CCNYL1: variants seen among roughly 807,000 people sequenced by gnomAD.
CCNYL1 encodes cyclin Y like 1.
CCNYL1 carries 16 observed loss-of-function variants against 44.2 expected under a neutral mutation model. That is an observed-to-expected ratio of 0.36 (90% CI 0.25 to 0.55). The LOEUF (loss-of-function observed/expected upper bound fraction) is 0.55, where lower values mean the gene tolerates loss of function less well. Ranked by LOEUF, CCNYL1 falls within the 20% of genes least tolerant of loss-of-function variation. The pLI, the probability that CCNYL1 is intolerant of heterozygous loss-of-function variation, is 0.85. For synonymous variants in CCNYL1, 159 were observed against 163.2 expected (o/e 0.97, Z 0.20); for missense variants, 348 against 451.8 (o/e 0.77, Z 2.08).
chr2:207,732,771 T>C (rs1359710441), intron 3 of CCNYL1, among the ~76,000 whole-genome samples: 1 of 152,228 alleles, frequency 6.6e-6, no homozygotes, highest in Non-Finnish European at 1.5e-5. Flanking sequence ...CTAAAGTGTT[T>C]TAAAGATGGT....
chr2:207,735,046 G>A (rs1374978769), intron 4 of CCNYL1, among the ~76,000 whole-genome samples: 2 of 152,130 alleles, frequency 1.3e-5, no homozygotes, highest in African/African-American at 4.8e-5. Context: ...GAATTCAAAA[G>A]ATTCTGATGT....
At chr2:207,720,629 G>A (rs899713981) in intron 1 of CCNYL1, among the ~76,000 whole-genome samples, 1 of 152,042 alleles carries the variant, frequency 6.6e-6, no homozygotes, top group Non-Finnish European at 1.5e-5. Flanking sequence ...TGTTGCCCAG[G>A]CTGGTCTTGA....
At chr2:207,715,906 C>T (rs1474970694) in intron 1 of CCNYL1, among the ~76,000 whole-genome samples, 1 of 151,602 alleles carries the variant, frequency 6.6e-6, no homozygotes, top group Non-Finnish European at 1.5e-5. Flanking sequence ...GAACTCCTGA[C>T]CTCAGGTGAT....
chr2:207,744,175 G>A (rs993748406), intron 7 of CCNYL1, among the ~76,000 whole-genome samples: 2 of 152,092 alleles, frequency 1.3e-5, no homozygotes, highest in African/African-American at 4.8e-5. Flanking sequence ...AGAAGGTAAA[G>A]AGTGCTGGCA....
chr2:207,748,025 T>C (rs754940263), intron 8 of CCNYL1, among the ~76,000 whole-genome samples: 4 of 152,200 alleles, frequency 2.6e-5, no homozygotes, highest in Non-Finnish European at 2.9e-5. Context: ...TATTAGGTCT[T>C]AGGGCCTCTG....
chr2:207,727,001 A>G, intron 3 of CCNYL1, 125 bp downstream of exon 3: 1 of 585,702 alleles, frequency 1.7e-6, no homozygotes. Flanking sequence ...GGATTTTCTA[A>G]ATCATTTCTA....
intron 9 of CCNYL1, 92 bp downstream of exon 9, chr2:207,751,211 G>A (rs1272357557): frequency 1.7e-6 from 2 of 1,172,112 alleles, no homozygotes; most frequent in East Asian, 4.8e-5. Context: ...TTAGGAAAAT[G>A]GAAAGCTTTA....
chr2:207,744,732 G>C (rs2091841903), intron 7 of CCNYL1, among the ~76,000 whole-genome samples: 1 of 152,112 alleles, frequency 6.6e-6, no homozygotes, highest in Non-Finnish European at 1.5e-5. Flanking sequence ...GGGGAGTGAA[G>C]TGCTCTTAAG....
chr2:207,735,638 G>A (rs2091759134), intron 4 of CCNYL1, among the ~76,000 whole-genome samples: 1 of 152,164 alleles, frequency 6.6e-6, no homozygotes, highest in Admixed American at 6.5e-5. Context: ...GGCCAAGGCG[G>A]GTAGATTGCC....
At chr2:207,715,386 T>C (rs1195709303) in intron 1 of CCNYL1, among the ~76,000 whole-genome samples, 3 of 144,036 alleles carry the variant, frequency 2.1e-5, no homozygotes, top group Admixed American at 6.9e-5. Context: ...TTTCTTTTTT[T>C]TTTTTTTTTT....
intron 3 of CCNYL1, among the ~76,000 whole-genome samples, chr2:207,731,639 G>T (rs1166216934): frequency 6.6e-6 from 1 of 152,070 alleles, no homozygotes; most frequent in Non-Finnish European, 1.5e-5. Context: ...CCAGCAACAT[G>T]ATGGGGGAAT....
intron 2 of CCNYL1, among the ~76,000 whole-genome samples, chr2:207,725,720 G>A (rs1158498401): frequency 1.3e-5 from 2 of 152,168 alleles, no homozygotes; most frequent in African/African-American, 2.4e-5. Context: ...TTCCCAGAAG[G>A]TTAGCCTCAG....
intron 1 of CCNYL1, among the ~76,000 whole-genome samples, chr2:207,719,224 T>C (rs1304782683): frequency 3.3e-5 from 5 of 152,136 alleles, no homozygotes; most frequent in Admixed American, 3.3e-4. Context: ...CAATAAATGC[T>C]AACTGTTCAC....
At chr2:207,714,312 CTTTTTTTT>C (rs60004559) in intron 1 of CCNYL1, 33 of 309,982 alleles carry the variant, frequency 1.1e-4, no homozygotes, top group Admixed American at 3.8e-4. Flanking sequence ...ACTTACATCT[CTTTTTTTT>C]TTTTTTTTTT....
intron 7 of CCNYL1, among the ~76,000 whole-genome samples, chr2:207,744,011 G>A (rs534145312): frequency 2.0e-5 from 3 of 152,270 alleles, no homozygotes; most frequent in East Asian, 3.9e-4. Context: ...TTATGTTCTA[G>A]TGAGGAAGAC....
chr2:207,747,047 GTTTAC>G lies in CCNYL1; in HGVS notation c.643_647del (p.Tyr215ArgfsTer8). 1 of 1,612,814 alleles carries G rather than the reference GTTTAC, an allele frequency of 6.2e-7. No individual in the cohort carries two copies. The highest frequency in any genetic ancestry group is 8.5e-7 in the Non-Finnish European group (1 of 1,179,080). On this transcript the variant is annotated frameshift_variant and splice_region_variant, in exon 8 of 10. Transcript: ENST00000295414. LOFTEE classifies it high-confidence loss of function. ...CAAAGACCAGTGCTCTATTTTACAG[GTTTAC>G]TTAGAAAGGCTTTTAACTTATGCTG...
chr2:207,715,356 C>T (rs1019590283), intron 1 of CCNYL1, among the ~76,000 whole-genome samples: 3 of 147,202 alleles, frequency 2.0e-5, no homozygotes, highest in African/African-American at 2.5e-5. Flanking sequence ...AAATGACGCT[C>T]GGCTTTGTTC....
intron 1 of CCNYL1, among the ~76,000 whole-genome samples, chr2:207,716,209 G>A (rs1326464739): frequency 5.9e-5 from 9 of 152,070 alleles, no homozygotes; most frequent in South Asian, 2.1e-4. Context: ...GGCTAAAGGC[G>A]CTCTCTGAAG....
intron 2 of CCNYL1, among the ~76,000 whole-genome samples, chr2:207,725,978 C>T (rs188218895): frequency 5.3e-4 from 81 of 152,256 alleles, no homozygotes; most frequent in Admixed American, 1.7e-3. Flanking sequence ...GCAGCATTTT[C>T]GAAGCTCGTG....
Sources: gnomAD v4.1 joint callset for allele counts (sites outside exome capture counted in the v4.1 genomes callset) on GRCh38, gnomAD v4.1.1 for gene constraint, MANE v1.5 for transcripts, NCBI Gene and HGNC (gene_info 2026-07-23, HGNC 2026-07-21) for gene names.